CTXND1: variants seen among roughly 807,000 people sequenced by gnomAD.
CTXND1 encodes cortexin domain containing 1.
At chr15:80,216,716 G>T (rs898521289) in intron 1 of CTXND1, among the ~76,000 whole-genome samples, 4 of 152,136 alleles carry the variant, frequency 2.6e-5, no homozygotes, top group African/African-American at 9.7e-5. Context: ...CTGGGTTCAA[G>T]GGATTCTCCT....
At chr15:80,249,774 G>A (rs541525840) in intron 1 of CTXND1, among the ~76,000 whole-genome samples, 64 of 152,284 alleles carry the variant, frequency 4.2e-4, no homozygotes, top group African/African-American at 1.4e-3. Context: ...ATTCCCATTC[G>A]CTGACTCTCT....
chr15:80,245,195 T>C (rs192740976), intron 1 of CTXND1, among the ~76,000 whole-genome samples: 3 of 152,266 alleles, frequency 2.0e-5, no homozygotes, highest in Admixed American at 2.0e-4. Flanking sequence ...AGCTCATAGC[T>C]GAACAGTTTG....
At chr15:80,249,995 A>C (rs1057409084) in intron 1 of CTXND1, among the ~76,000 whole-genome samples, 3 of 152,230 alleles carry the variant, frequency 2.0e-5, no homozygotes, top group Admixed American at 2.0e-4. Context: ...GAACCATGTC[A>C]GTTTTATAAA....
intron 1 of CTXND1, among the ~76,000 whole-genome samples, chr15:80,209,709 A>G (rs1893185185): frequency 6.6e-6 from 1 of 152,208 alleles, no homozygotes; most frequent in Non-Finnish European, 1.5e-5. Context: ...ATTTTAGGAA[A>G]AAACTAGCAG....
Position 80,203,749 on chromosome 15 carries a change from G to C in CTXND1, c.-217-9C>G, listed in dbSNP as rs956002327. ...GGGGCGCTGGAGTGTGACTGTAAGA[G>C]AAAGAGACAAAGAAGACTAGTTATT... On this transcript the variant is annotated splice_polypyrimidine_tract_variant and intron_variant, in intron 1 of 2. Transcript: ENST00000560778. The C allele has an allele frequency of 6.6e-6, 1 of 152,184 alleles. No homozygotes were observed. The highest frequency in any genetic ancestry group is 1.5e-5 in the Non-Finnish European group (1 of 68,116). 9.4% of individuals were successfully genotyped at this position (152,184 alleles called of 1,614,324 possible).
chr15:80,245,974 A>G lies in CTXND1; in HGVS notation c.-218+6033T>C, dbSNP rs553537247. Among the ~76,000 whole-genome samples the G allele has an allele frequency of 5.9e-5, 9 of 152,356 alleles. No individual in the cohort carries two copies. In the South Asian group the frequency reaches 1.9e-3, roughly 32 times the overall value. On this transcript the variant is annotated intron_variant, in intron 1 of 2. Transcript: ENST00000560778. ...TCAACAACAACACCAGAAAAACACC[A>G]GGGAGACAAAACTGGAGGAAATACT...
intron 1 of CTXND1, among the ~76,000 whole-genome samples, chr15:80,238,192 CTCAG>C (rs1893524244): frequency 6.6e-6 from 1 of 152,226 alleles, no homozygotes; most frequent in South Asian, 2.1e-4. Context: ...TCACCCACCA[CTCAG>C]TCAATGACTC....
intron 1 of CTXND1, among the ~76,000 whole-genome samples, chr15:80,206,299 T>G (rs1893146764): frequency 6.6e-6 from 1 of 152,254 alleles, no homozygotes; most frequent in Admixed American, 6.5e-5. Flanking sequence ...TGCATCATTT[T>G]GAGATTTTAC....
intron 1 of CTXND1, among the ~76,000 whole-genome samples, chr15:80,220,603 T>A (rs1893304390): frequency 2.6e-5 from 4 of 152,334 alleles, no homozygotes; most frequent in African/African-American, 9.6e-5. Context: ...TGATTGCGAT[T>A]ACATTGCATT....
intron 1 of CTXND1, among the ~76,000 whole-genome samples, chr15:80,249,369 G>A (rs1318131818): frequency 6.6e-6 from 1 of 152,150 alleles, no homozygotes; most frequent in Non-Finnish European, 1.5e-5. Context: ...AGGGCACTAG[G>A]AGTCAGATCT....
intron 1 of CTXND1, among the ~76,000 whole-genome samples, chr15:80,244,590 G>A (rs905682484): frequency 1.3e-5 from 2 of 152,214 alleles, no homozygotes; most frequent in East Asian, 1.9e-4. Context: ...GAGTGGTGCA[G>A]GGTGAACCCG....
chr15:80,222,218 G>A (rs1893326285), intron 1 of CTXND1, among the ~76,000 whole-genome samples: 1 of 151,970 alleles, frequency 6.6e-6, no homozygotes, highest in African/African-American at 2.4e-5. Context: ...AAAATTTTAT[G>A]GAAATTTAAA....
intron 1 of CTXND1, among the ~76,000 whole-genome samples, chr15:80,224,528 C>G (rs1198195778): frequency 6.6e-6 from 1 of 152,110 alleles, no homozygotes; most frequent in African/African-American, 2.4e-5. Flanking sequence ...TCAAGATTGT[C>G]TTGGATATTC....
Position 80,195,810 on chromosome 15 carries a change from T to TC in CTXND1, c.*5959dup. The TC allele has an allele frequency of 6.6e-6, 1 of 152,196 alleles. No homozygotes were observed. The highest frequency in any genetic ancestry group is 1.5e-5 in the Non-Finnish European group (1 of 68,042). 9.4% of individuals were successfully genotyped at this position (152,196 alleles called of 1,614,324 possible). A position where few individuals can be genotyped will look rare whatever the true frequency, so the allele number is the denominator to read the frequency against. ...ACCACAGCATATTCATCTCAGCATATCCCACAAACATGGCCTTTAACCAAG... is the reference window on the plus strand; with the variant it reads ...ACCACAGCATATTCATCTCAGCATATCCCCACAAACATGGCCTTTAACCAAG... On this transcript the variant is annotated 3_prime_UTR_variant, in exon 3 of 3. Transcript: ENST00000560778.
chr15:80,220,744 CTGTT>C (rs1441101982), intron 1 of CTXND1, among the ~76,000 whole-genome samples: 2 of 151,654 alleles, frequency 1.3e-5, no homozygotes, highest in African/African-American at 4.8e-5. Flanking sequence ...AACACATTTT[CTGTT>C]TGTTTATTTC....
chr15:80,245,881 G>A (rs986899070), intron 1 of CTXND1, among the ~76,000 whole-genome samples: 37 of 151,818 alleles, frequency 2.4e-4, no homozygotes, highest in African/African-American at 7.8e-4. Flanking sequence ...CCCCAACCCC[G>A]CAAGCCTCAT....
chr15:80,221,953 C>A (rs1242036718), intron 1 of CTXND1, among the ~76,000 whole-genome samples: 9 of 152,044 alleles, frequency 5.9e-5, no homozygotes, highest in Non-Finnish European at 1.0e-4. Context: ...TTTCATTGCA[C>A]CGTGGTCAGA....
intron 1 of CTXND1, among the ~76,000 whole-genome samples, chr15:80,204,443 C>G (rs1244492388): frequency 6.6e-6 from 1 of 150,782 alleles, no homozygotes. Context: ...ACTCCCCATT[C>G]CCCTTCCCCC....
At position 80,243,877 on chromosome 15, in the gene CTXND1, G is replaced by C. The variant is rs530773943; in HGVS notation, c.-218+8130C>G. Among the ~76,000 whole-genome samples, 38 of 152,294 alleles carry C rather than the reference G, an allele frequency of 2.5e-4. No individual in the cohort carries two copies. The Middle Eastern group carries it at 0.01, about 41-fold the overall frequency. ...TAGATGGTGTAGTCAACATGGAAGA[G>C]CATTTTGAATAAGTGGAAAGAGCTG... On this transcript the variant is annotated intron_variant, in intron 1 of 2. Transcript: ENST00000560778.
Sources: allele counts gnomAD v4.1 joint callset (sites outside exome capture counted in the v4.1 genomes callset), GRCh38; gene constraint gnomAD v4.1.1; transcripts MANE v1.5; gene names NCBI Gene and HGNC (gene_info 2026-07-23, HGNC 2026-07-21).